Variants in GLS2 observed in about 807,000 individuals in gnomAD.
GLS2 encodes the protein glutaminase 2, also known as glutaminase liver isoform, mitochondrial.
Under a neutral mutation model 79.0 loss-of-function variants are expected in GLS2, and 52 were observed. The ratio of observed to expected loss-of-function variants is 0.66; its 90% CI spans 0.53 to 0.83. The LOEUF (loss-of-function observed/expected upper bound fraction) is 0.83. GLS2 is among the 40% of genes least tolerant of loss of function. GLS2 has a pLI of 0.00. For synonymous variants in GLS2, 238 were observed against 280.8 expected (o/e 0.85, Z 1.52); for missense variants, 561 against 764.8 (o/e 0.73, Z 3.14).
intron 2 of GLS2, 106 bp from the exon 3 acceptor site, chr12:56,480,007 A>C: frequency 1.4e-6 from 2 of 1,406,834 alleles, no homozygotes; most frequent in Non-Finnish European, 1.9e-6. Context: ...AACCACTACA[A>C]TAGGTGGAAC....
intron 1 of GLS2, among the ~76,000 whole-genome samples, chr12:56,486,402 C>G (rs1426310094): frequency 6.6e-6 from 1 of 152,148 alleles, no homozygotes; most frequent in East Asian, 1.9e-4. Flanking sequence ...CATTATTTCT[C>G]CCATGGTGAA....
intron 1 of GLS2, among the ~76,000 whole-genome samples, chr12:56,483,204 C>T (rs1870435488): frequency 1.3e-5 from 2 of 151,736 alleles, no homozygotes; most frequent in African/African-American, 4.8e-5. Flanking sequence ...CCTCAGCCTC[C>T]CAAGTAGCTG....
chr12:56,471,751 C>T, intron 17 of GLS2, 22 bp downstream of exon 17: 1 of 1,613,990 alleles, frequency 6.2e-7, no homozygotes, highest in Non-Finnish European at 8.5e-7. Context: ...CCACCCTCCT[C>T]CACTTTTAGC....
rs761969192 is a variant in GLS2 at position 56,476,590 on chromosome 12, A to ATT, written c.838-615_838-614dup. On this transcript the variant is annotated intron_variant, in intron 7 of 17. Coordinates refer to ENST00000311966, the MANE Select transcript of GLS2 (RefSeq NM_013267.4). ...GCAACATAGGAGAGACCCTGCCTCAATTTTTTTTTTTTTTTTTTTTTGAGA... is the reference window on the plus strand; with the variant it reads ...GCAACATAGGAGAGACCCTGCCTCAATTTTTTTTTTTTTTTTTTTTTTTGAGA... 5.2e-4 allele frequency: 66 copies of ATT among 125,944 alleles called. 1 individual carries two copies. The highest frequency in any genetic ancestry group is 9.2e-4 in the East Asian group (4 of 4,370). The allele number at this position is 125,944 out of a possible 1,614,324, so 7.8% of individuals were successfully genotyped here. A position where few individuals can be genotyped will look rare whatever the true frequency, so the allele number is the denominator to read the frequency against.
chr12:56,473,088 A>T, intron 14 of GLS2, 140 bp downstream of exon 14: 1 of 748,894 alleles, frequency 1.3e-6, no homozygotes, highest in Non-Finnish European at 2.2e-6. Flanking sequence ...ACCAGGTTTC[A>T]CCGTGTTAGC....
chr12:56,479,519 A>G, intron 3 of GLS2: 2 of 418,584 alleles, frequency 4.8e-6, no homozygotes, highest in Non-Finnish European at 8.3e-6. Flanking sequence ...TACATAGGAC[A>G]TTATCTAGAA....
At chr12:56,479,230 G>A (rs1363664924) in intron 3 of GLS2, 49 bp from the exon 4 acceptor site, 21 of 1,602,202 alleles carry the variant, frequency 1.3e-5, no homozygotes, top group Non-Finnish European at 1.7e-5. Context: ...ATGCAGCTGG[G>A]ACTCACTCTG....
At chr12:56,481,660 G>T (rs1404802794) in intron 1 of GLS2, among the ~76,000 whole-genome samples, 5 of 150,490 alleles carry the variant, frequency 3.3e-5, no homozygotes, top group South Asian at 4.2e-4. Flanking sequence ...GGAGGCTGAG[G>T]CAGGCGGATC....
chr12:56,479,701 C>T, intron 3 of GLS2, 79 bp downstream of exon 3: 4 of 1,463,638 alleles, frequency 2.7e-6, no homozygotes, highest in Non-Finnish European at 3.6e-6. Context: ...ATACAATTCC[C>T]AAATTCCTCC....
At chr12:56,476,065 TA>T in intron 7 of GLS2, 88 bp from the exon 8 acceptor site, 1 of 1,306,304 alleles carries the variant, frequency 7.7e-7, no homozygotes, top group South Asian at 1.2e-5. Flanking sequence ...GTTCTAGTGT[TA>T]GTCTGGTCCT....
chr12:56,479,842 C>A lies in GLS2; in HGVS notation c.342G>T (p.Glu114Asp), dbSNP rs774273263. The part of the protein sequence containing the change: ...SDPRLRDCMS[E>D]MHRVVQESSS... ...TGGACTCTTGGACCACGCGGTGCATCTCGCTCATGCAGTCTCGGAGCCGAG... is the reference window on the plus strand; with the variant it reads ...TGGACTCTTGGACCACGCGGTGCATATCGCTCATGCAGTCTCGGAGCCGAG... The change falls in exon 3 of 18, where the codon GAG (glutamate) becomes GAT (aspartate). Residue 114 changes from glutamate to aspartate, a missense_variant. Transcript: ENST00000311966. 1.1e-5 allele frequency: 18 copies of A among 1,612,500 alleles called. No individual in the cohort carries two copies. Among genetic ancestry groups the A allele is most frequent in the Non-Finnish European group, 1.5e-5 (18 of 1,180,012 alleles).
chr12:56,481,001 G>T (rs1426626772), intron 1 of GLS2, among the ~76,000 whole-genome samples: 2 of 152,176 alleles, frequency 1.3e-5, no homozygotes, highest in East Asian at 3.8e-4. Flanking sequence ...CCTGGGTGAT[G>T]TGAGGCTTAA....
At chr12:56,487,796 C>A in intron 1 of GLS2, 141 bp downstream of exon 1, 1 of 1,062,286 alleles carries the variant, frequency 9.4e-7, no homozygotes, top group Admixed American at 3.1e-5. Context: ...AGCCCCACAT[C>A]CAAAGGAAAA....
intron 12 of GLS2, chr12:56,473,991 C>A: frequency 5.6e-6 from 1 of 177,462 alleles, no homozygotes; most frequent in East Asian, 1.7e-4. Flanking sequence ...TCAGAAAAGT[C>A]TTTCTTTGGA....
chr12:56,471,818 T>C lies in GLS2; in HGVS notation c.1607A>G (p.Lys536Arg). 6.2e-7 allele frequency: 1 copy of C among 1,614,056 alleles called. No homozygotes were observed. Among genetic ancestry groups the C allele is most frequent in the Non-Finnish European group, 8.5e-7 (1 of 1,180,014 alleles). The stretch of plus-strand genomic sequence containing the variant: ...CACTTTGCAAGCCTCGATCAGGAAT[T>C]TAACAACTTCGATGTGTCCTAGGAA... ...AAAEGHIEVV[K>R]FLIEACKVNP... The change falls in exon 17 of 18, where the codon AAA (lysine) becomes AGA (arginine). Residue 536 changes from lysine to arginine, a missense_variant. Lys to Arg is a conservative substitution (Grantham distance 26). Transcript: ENST00000311966.
chr12:56,474,941 C>G, intron 10 of GLS2, 45 bp from the exon 11 acceptor site: 1 of 1,613,914 alleles, frequency 6.2e-7, no homozygotes, highest in African/African-American at 1.3e-5. Context: ...GGACATCAGC[C>G]CTTTCACACT....
At chr12:56,478,548 C>T (rs1032478082) in intron 4 of GLS2, 3 of 414,930 alleles carry the variant, frequency 7.2e-6, no homozygotes, top group Non-Finnish European at 1.3e-5. Context: ...CTCAGTTACC[C>T]TATAAATCCC....
intron 9 of GLS2, 39 bp from the exon 10 acceptor site, chr12:56,475,149 A>AGTGG (rs1481517084): frequency 6.2e-7 from 1 of 1,613,060 alleles, no homozygotes; most frequent in Admixed American, 1.7e-5. Flanking sequence ...AAGTTGGAGG[A>AGTGG]GTGGGTGTTG....
intron 12 of GLS2, 43 bp from the exon 13 acceptor site, chr12:56,473,637 C>T (rs376144385): frequency 3.2e-6 from 5 of 1,572,054 alleles, no homozygotes; most frequent in Non-Finnish European, 4.3e-6. Flanking sequence ...GGGTGTGCCC[C>T]AAATCAGAAA....
Sources: gnomAD v4.1 joint callset for allele counts (sites outside exome capture counted in the v4.1 genomes callset) on GRCh38, gnomAD v4.1.1 for gene constraint, MANE v1.5 for transcripts, NCBI Gene and HGNC (gene_info 2026-07-23, HGNC 2026-07-21) for gene names.